The following USO1 variants were observed in gnomAD, a reference collection of about 807,000 sequenced individuals.
The protein encoded by USO1 is USO1 vesicle transport factor, also known as general vesicular transport factor p115.
In USO1, 57 loss-of-function variants were observed where a neutral mutation model predicts 124.5. That is an observed-to-expected ratio of 0.46 (90% CI 0.37 to 0.57). The LOEUF (loss-of-function observed/expected upper bound fraction) is 0.57. Among genes scored for constraint, USO1 ranks in the 20% least tolerant of loss-of-function variants. The pLI is 0.00. For synonymous variants in USO1, 369 were observed against 362.8 expected, an observed-to-expected ratio of 1.02 and a Z score of -0.19; for missense variants, 900 against 1,040.6, an observed-to-expected ratio of 0.86 and a Z score of 1.86.
chr4:75,768,451 A>G (rs1350336516), intron 4 of USO1, among the ~76,000 whole-genome samples: 2 of 33,624 alleles, frequency 5.9e-5, no homozygotes, highest in Non-Finnish European at 9.8e-5. Flanking sequence ...ACTAGTATCT[A>G]TTAATAGAAA....
intron 4 of USO1, among the ~76,000 whole-genome samples, chr4:75,762,954 C>G (rs116644776): frequency 0.014 from 2,101 of 152,220 alleles, 56 homozygotes; most frequent in African/African-American, 0.048. Context: ...AAAAAGTATA[C>G]ATGTACCTGT....
intron 19 of USO1, 23 bp downstream of exon 19, chr4:75,805,326 T>TA: frequency 6.5e-7 from 1 of 1,548,654 alleles, no homozygotes; most frequent in Non-Finnish European, 8.7e-7. Flanking sequence ...TTTAAGAAGT[T>TA]AAAATAAGAG....
intron 13 of USO1, among the ~76,000 whole-genome samples, chr4:75,796,460 T>G (rs1375798527): frequency 6.6e-6 from 1 of 151,658 alleles, no homozygotes; most frequent in East Asian, 1.9e-4. Flanking sequence ...CTCAGCCTCC[T>G]GAGTAGCTGG....
intron 1 of USO1, among the ~76,000 whole-genome samples, chr4:75,729,311 T>G (rs1481852258): frequency 6.6e-6 from 1 of 151,978 alleles, no homozygotes; most frequent in African/African-American, 2.4e-5. Flanking sequence ...GTGCTTAGTG[T>G]TATATCTGCC....
At chr4:75,769,881 T>A (rs1396346061) in intron 4 of USO1, among the ~76,000 whole-genome samples, 1 of 152,096 alleles carries the variant, frequency 6.6e-6, no homozygotes, top group Non-Finnish European at 1.5e-5. Context: ...TGCCAAAGAA[T>A]TTTGTAGGAT....
At position 75,790,679 on chromosome 4, in the gene USO1, TG is replaced by T. The variant is rs751590536; in HGVS notation, c.1123del (p.Glu375LysfsTer121). ...TAGTACTTCTCATGTCCATGGTTAATGAAAGGCAGCCATTTGTTTTGCGCTG... is the reference window on the plus strand; with the variant it reads ...TAGTACTTCTCATGTCCATGGTTAATAAAGGCAGCCATTTGTTTTGCGCTG... The part of the protein sequence containing the change: ...IVVLLMSMVN[E>X]RQPFVLRCAV... On this transcript the variant is annotated frameshift_variant, in exon 12 of 24. Transcript: ENST00000514213. LOFTEE classifies it high-confidence loss of function. 2 of 1,612,178 alleles carry T rather than the reference TG, an allele frequency of 1.2e-6. No individual in the cohort carries two copies. The highest frequency in any genetic ancestry group is 1.7e-6 in the Non-Finnish European group (2 of 1,179,436).
At chr4:75,790,304 A>G (rs1261286524) in intron 11 of USO1, 66 bp downstream of exon 11, 2 of 1,518,178 alleles carry the variant, frequency 1.3e-6, no homozygotes, top group Non-Finnish European at 1.8e-6. Flanking sequence ...AATGTATCTC[A>G]TATACACATC....
At chr4:75,727,635 G>T (rs918079962) in intron 1 of USO1, among the ~76,000 whole-genome samples, 2 of 152,120 alleles carry the variant, frequency 1.3e-5, no homozygotes, top group Non-Finnish European at 2.9e-5. Context: ...TGATGATTTA[G>T]TCTGGCCAGG....
chr4:75,735,194 TG>T (rs1720754067), intron 1 of USO1, among the ~76,000 whole-genome samples: 1 of 152,146 alleles, frequency 6.6e-6, no homozygotes, highest in African/African-American at 2.4e-5. Flanking sequence ...TCTGTCTGTC[TG>T]TCTAGGGTAA....
intron 17 of USO1, among the ~76,000 whole-genome samples, chr4:75,801,761 C>A (rs757597088): frequency 1.3e-5 from 2 of 152,114 alleles, no homozygotes; most frequent in Non-Finnish European, 2.9e-5. Context: ...TAGATAGAAC[C>A]CTTTAAATTG....
Position 75,787,086 on chromosome 4 carries a change from A to G in USO1, c.880A>G (p.Thr294Ala), listed in dbSNP as rs1294752878. 32 of 1,597,650 alleles carry G rather than the reference A, an allele frequency of 2.0e-5. No homozygotes were observed. Among genetic ancestry groups the G allele is most frequent in the Non-Finnish European group, 2.4e-5 (28 of 1,174,566 alleles). ...GCTTGTTCGTGTATTGGTATCTCCC[A>G]CCAACCCTCCTGGTGCTACCAGTAG... ...LQLVRVLVSP[T>A]NPPGATSSCQ... The change falls in exon 10 of 24, where the codon ACC becomes GCC. Residue 294 changes from threonine to alanine, a missense_variant. Physicochemically the swap from Thr to Ala is moderately conservative, Grantham distance 58. Around this residue, in one of 2 missense-constraint regions of USO1, gnomAD observed 538 missense variants for 681.6 expected, o/e 0.79. Transcript: ENST00000514213.
At chr4:75,789,358 A>G (rs540805393) in intron 10 of USO1, among the ~76,000 whole-genome samples, 1 of 151,852 alleles carries the variant, frequency 6.6e-6, no homozygotes, top group African/African-American at 2.4e-5. Flanking sequence ...GCTTACTTCA[A>G]CCTCCACCTT....
chr4:75,782,656 T>A, intron 8 of USO1, 24 bp from the exon 9 acceptor site: 1 of 1,528,612 alleles, frequency 6.5e-7, no homozygotes, highest in Non-Finnish European at 8.8e-7. Context: ...GCCTTAACGC[T>A]TGTGTTTTAC....
At chr4:75,768,447 A>G (rs1577948693) in intron 4 of USO1, among the ~76,000 whole-genome samples, 1 of 102,606 alleles carries the variant, frequency 9.7e-6, no homozygotes, top group East Asian at 5.7e-4. Flanking sequence ...CATTACTAGT[A>G]TCTATTAATA....
At chr4:75,783,784 A>G (rs963209173) in intron 9 of USO1, among the ~76,000 whole-genome samples, 36 of 152,268 alleles carry the variant, frequency 2.4e-4, no homozygotes, top group Middle Eastern at 3.4e-3. Flanking sequence ...TTTCACTTCA[A>G]AAGTGTCCTG....
chr4:75,734,865 A>G (rs191645787), intron 1 of USO1, among the ~76,000 whole-genome samples: 1 of 151,118 alleles, frequency 6.6e-6, no homozygotes, highest in Non-Finnish European at 1.5e-5. Flanking sequence ...AGTAGCTGGG[A>G]TTACAGGCAC....
chr4:75,804,230 C>G lies in USO1; in HGVS notation c.2083C>G (p.Gln695Glu). Reference protein sequence around the residue: ...TAVTQQVSQIQQHKDQYNLLK... With the variant: ...TAVTQQVSQIEQHKDQYNLLK... ...AGTCACACAGCAAGTATCACAGATC[C>G]AGCAGCACAAAGACCAGTATAATCT... is the stretch of plus-strand genomic sequence containing the variant. The change falls in exon 18 of 24, where the codon CAG (glutamine) becomes GAG (glutamate). Residue 695 changes from glutamine to glutamate, a missense_variant. Physicochemically the swap from Gln to Glu is conservative, Grantham distance 29. Transcript: ENST00000514213. The G allele has an allele frequency of 6.2e-7, 1 of 1,613,502 alleles. No individual in the cohort carries two copies. The highest frequency in any genetic ancestry group is 8.5e-7 in the Non-Finnish European group (1 of 1,179,682).
Position 75,812,306 on chromosome 4 carries a change from G to A in USO1, c.2730G>A (p.Leu910=), listed in dbSNP as rs1245113103. 6.2e-7 allele frequency: 1 copy of A among 1,606,518 alleles called. No homozygotes were observed. The highest frequency in any genetic ancestry group is 8.5e-7 in the Non-Finnish European group (1 of 1,176,364). ...CTAAAAAAGAACAAGATGATCTCTT[G>A]GTGCTCTTGGCCGATCAAGATCAGA... ...TDSKKEQDDL[L]VLLADQDQKI... is the part of the protein sequence containing the mutation. The change falls in exon 23 of 24, where the codon TTG becomes TTA. Residue 910 remains leucine (L), a synonymous_variant. Coordinates refer to ENST00000514213, the MANE Select transcript of USO1 (RefSeq NM_003715.4).
At chr4:75,783,692 C>CCA (rs1722284278) in intron 9 of USO1, among the ~76,000 whole-genome samples, 1 of 152,114 alleles carries the variant, frequency 6.6e-6, no homozygotes, top group African/African-American at 2.4e-5. Context: ...TGGGAGTTGC[C>CCA]TGCATAGGAC....
Sources: allele counts gnomAD v4.1 joint callset (sites outside exome capture counted in the v4.1 genomes callset), GRCh38; gene constraint gnomAD v4.1.1; regional missense constraint gnomAD v4.1.1; transcripts MANE v1.5; gene names NCBI Gene and HGNC (gene_info 2026-07-23, HGNC 2026-07-21).